Variants in EMCN observed in about 807,000 individuals in gnomAD.
EMCN encodes endomucin.
Under a neutral mutation model 38.4 loss-of-function variants are expected in EMCN, and 37 were observed. That is an observed-to-expected ratio of 0.96 (90% CI 0.74 to 1.27). The LOEUF is 1.27. EMCN is among the 50% of genes most tolerant of loss of function. The probability of loss-of-function intolerance (pLI) is 0.00; values close to 1 mark genes in which losing one functional copy is unlikely to be tolerated. For synonymous variants in EMCN, 95 were observed against 100.8 expected (o/e 0.94, Z 0.35); for missense variants, 318 against 302.8 (o/e 1.05, Z -0.37).
At chr4:100,431,720 C>CCT (rs1727204815) in intron 5 of EMCN, among the ~76,000 whole-genome samples, 1 of 29,954 alleles carries the variant, frequency 3.3e-5, no homozygotes, top group African/African-American at 1.1e-4. Context: ...TCTTACAATA[C>CCT]ATCTCTCTCT....
At chr4:100,424,491 A>G (rs751384977) in intron 5 of EMCN, among the ~76,000 whole-genome samples, 7 of 152,098 alleles carry the variant, frequency 4.6e-5, no homozygotes, top group African/African-American at 1.7e-4. Flanking sequence ...AAAGAAATTG[A>G]TATTTCTATG....
intron 4 of EMCN, among the ~76,000 whole-genome samples, chr4:100,461,528 G>T (rs1481454019): frequency 2.6e-5 from 4 of 151,912 alleles, no homozygotes; most frequent in Non-Finnish European, 1.5e-5. Context: ...AATTCAAAAA[G>T]CCCACATTTT....
chr4:100,465,434 G>T lies in EMCN; in HGVS notation c.365C>A (p.Ser122Tyr). The T allele has an allele frequency of 1.3e-6, 2 of 1,596,944 alleles. No homozygotes were observed. Among genetic ancestry groups the T allele is most frequent in the South Asian group, 1.1e-5 (1 of 89,372 alleles). The part of the protein sequence containing the change: ...LPNAVSTLQS[S>Y]KPKTETQSSI... The stretch of plus-strand genomic sequence containing the variant: ...ATCCTCATACTTACTCTTGGGTTTG[G>T]AACTTTGTAATGTTGAAACAGCATT... The change falls in exon 4 of 12, where the codon TCC becomes TAC. Residue 122 changes from serine to tyrosine, a missense_variant. Coordinates refer to ENST00000296420, the MANE Select transcript of EMCN (RefSeq NM_016242.4).
At chr4:100,470,452 TA>T (rs1447754429) in intron 3 of EMCN, among the ~76,000 whole-genome samples, 1 of 150,808 alleles carries the variant, frequency 6.6e-6, no homozygotes, top group African/African-American at 2.4e-5. Flanking sequence ...GAGTGTAAAT[TA>T]GTTCAAACAT....
At chr4:100,448,886 T>C (rs1320423092) in intron 4 of EMCN, among the ~76,000 whole-genome samples, 1 of 151,122 alleles carries the variant, frequency 6.6e-6, no homozygotes, top group Non-Finnish European at 1.5e-5. Flanking sequence ...CTGACTCTGC[T>C]CAGAAGTCGC....
At chr4:100,453,438 C>A (rs1316339594) in intron 4 of EMCN, among the ~76,000 whole-genome samples, 1 of 152,142 alleles carries the variant, frequency 6.6e-6, no homozygotes, top group Non-Finnish European at 1.5e-5. Flanking sequence ...TCATCACTGG[C>A]CATCAGAGAA....
chr4:100,490,588 A>G (rs1316910129), intron 1 of EMCN, among the ~76,000 whole-genome samples: 1 of 152,174 alleles, frequency 6.6e-6, no homozygotes, highest in Non-Finnish European at 1.5e-5. Flanking sequence ...AGATACATGC[A>G]TACTTACCAT....
chr4:100,490,005 A>G (rs754349788), intron 1 of EMCN, among the ~76,000 whole-genome samples: 3 of 152,194 alleles, frequency 2.0e-5, no homozygotes, highest in Non-Finnish European at 2.9e-5. Context: ...GTATTTCAGA[A>G]GAAGACATTA....
chr4:100,514,842 T>C (rs1489264211), intron 1 of EMCN, among the ~76,000 whole-genome samples: 1 of 152,122 alleles, frequency 6.6e-6, no homozygotes, highest in Non-Finnish European at 1.5e-5. Flanking sequence ...ACCAGGCTAG[T>C]TGTAAATTTT....
intron 1 of EMCN, among the ~76,000 whole-genome samples, chr4:100,509,158 T>TG (rs1258189268): frequency 6.6e-6 from 1 of 152,214 alleles, no homozygotes; most frequent in African/African-American, 2.4e-5. Flanking sequence ...TTAGAAATTG[T>TG]CCTTGCTTCC....
intron 10 of EMCN, among the ~76,000 whole-genome samples, chr4:100,411,081 C>T (rs1726539173): frequency 6.6e-6 from 1 of 152,140 alleles, no homozygotes; most frequent in African/African-American, 2.4e-5. Flanking sequence ...CATCATTTTG[C>T]TCCAGCTTTT....
At chr4:100,428,772 C>T (rs1370921936) in intron 5 of EMCN, among the ~76,000 whole-genome samples, 3 of 151,996 alleles carry the variant, frequency 2.0e-5, no homozygotes, top group Non-Finnish European at 4.4e-5. Flanking sequence ...TCGACAACAA[C>T]AAAAATAGAG....
intron 3 of EMCN, among the ~76,000 whole-genome samples, chr4:100,468,264 G>C (rs2110266737): frequency 6.6e-6 from 1 of 152,298 alleles, no homozygotes; most frequent in Middle Eastern, 3.4e-3. Flanking sequence ...AGAAATGTGG[G>C]AGAGGGTCTG....
intron 4 of EMCN, among the ~76,000 whole-genome samples, chr4:100,461,945 C>T (rs1176623722): frequency 6.6e-6 from 1 of 152,108 alleles, no homozygotes; most frequent in African/African-American, 2.4e-5. Context: ...CTAATCCTAA[C>T]AGTGTTTATG....
chr4:100,503,275 G>T (rs889636481), intron 1 of EMCN, among the ~76,000 whole-genome samples: 5 of 152,004 alleles, frequency 3.3e-5, no homozygotes, highest in African/African-American at 1.2e-4. Context: ...GCTTGTGTCA[G>T]TTTTGATAGG....
chr4:100,478,108 G>A (rs1026181810), intron 2 of EMCN, among the ~76,000 whole-genome samples: 1 of 152,090 alleles, frequency 6.6e-6, no homozygotes, highest in African/African-American at 2.4e-5. Flanking sequence ...TTTGTCCAAT[G>A]TTGTTCCCTC....
intron 8 of EMCN, among the ~76,000 whole-genome samples, chr4:100,417,908 T>C (rs549302571): frequency 2.6e-5 from 4 of 152,348 alleles, no homozygotes; most frequent in East Asian, 1.9e-4. Context: ...TCTGGTTTTA[T>C]TCCATTGCAG....
chr4:100,457,353 A>G (rs1319271530), intron 4 of EMCN, among the ~76,000 whole-genome samples: 1 of 152,128 alleles, frequency 6.6e-6, no homozygotes, highest in African/African-American at 2.4e-5. Flanking sequence ...ATTATATTCA[A>G]TAGAAGTGAT....
intron 4 of EMCN, among the ~76,000 whole-genome samples, chr4:100,456,280 GT>G (rs1221564989): frequency 6.6e-6 from 1 of 152,004 alleles, no homozygotes; most frequent in Non-Finnish European, 1.5e-5. Context: ...CAAAATATTA[GT>G]TTTTGTTGAT....
Sources: allele counts gnomAD v4.1 joint callset (sites outside exome capture counted in the v4.1 genomes callset), GRCh38; gene constraint gnomAD v4.1.1; transcripts MANE v1.5; gene names NCBI Gene and HGNC (gene_info 2026-07-23, HGNC 2026-07-21).